U2SURP: variants seen among roughly 807,000 people sequenced by gnomAD.
U2SURP encodes U2 snRNP associated SURP domain containing, also known as U2 snRNP-associated SURP motif-containing protein.
A neutral mutation model predicts 144.9 loss-of-function variants in U2SURP; 9 were observed. The observed-to-expected ratio is 0.06, with a 90% CI of 0.04 to 0.11. U2SURP has a LOEUF of 0.11. Among genes scored for constraint, U2SURP ranks in the 10% least tolerant of loss-of-function variants. U2SURP has a pLI of 1.00. For missense variants in U2SURP, 724 were observed against 1,226.7 expected, an observed-to-expected ratio of 0.59 and a Z score of 6.12; for synonymous variants, 408 against 396.8, an observed-to-expected ratio of 1.03 and a Z score of -0.33.
At chr3:143,015,305 TTA>T (rs1347941887) in intron 4 of U2SURP, among the ~76,000 whole-genome samples, 2 of 152,142 alleles carry the variant, frequency 1.3e-5, no homozygotes, top group African/African-American at 4.8e-5. Flanking sequence ...TAACACTTTG[TTA>T]TACAAGGTAC....
intron 2 of U2SURP, among the ~76,000 whole-genome samples, chr3:143,011,602 A>G (rs1237910555): frequency 6.6e-6 from 1 of 152,130 alleles, no homozygotes; most frequent in African/African-American, 2.4e-5. Flanking sequence ...ACACCAGAGT[A>G]TACTTGTAGT....
intron 13 of U2SURP, chr3:143,026,518 G>C (rs553385690): frequency 6.6e-6 from 1 of 152,256 alleles, no homozygotes; most frequent in South Asian, 2.1e-4. Context: ...TTGTGAACTA[G>C]TTTGAAGTGT....
At chr3:143,018,230 G>A (rs565688290) in intron 6 of U2SURP, among the ~76,000 whole-genome samples, 1 of 151,996 alleles carries the variant, frequency 6.6e-6, no homozygotes, top group East Asian at 1.9e-4. Flanking sequence ...GTCCCTGACA[G>A]CCTACTAATC....
At chr3:143,034,356 A>G (rs1383711343) in intron 18 of U2SURP, among the ~76,000 whole-genome samples, 4 of 152,096 alleles carry the variant, frequency 2.6e-5, no homozygotes, top group African/African-American at 9.7e-5. Context: ...GTGAGCCGAG[A>G]TGGCACCATT....
At chr3:143,016,034 G>C (rs1936358570) in intron 4 of U2SURP, among the ~76,000 whole-genome samples, 1 of 151,982 alleles carries the variant, frequency 6.6e-6, no homozygotes, top group African/African-American at 2.4e-5. Flanking sequence ...CTATACTTAG[G>C]GGTTCTTTTC....
At chr3:143,047,069 T>C (rs61580433) in intron 24 of U2SURP, among the ~76,000 whole-genome samples, 1 of 93,700 alleles carries the variant, frequency 1.1e-5, no homozygotes, top group Non-Finnish European at 2.1e-5. Context: ...CCTCCCTCCC[T>C]GACGGGGCGG....
In U2SURP at chr3:143,059,836, A is replaced by G. The variant is rs1935303788; in HGVS notation, c.*3386A>G. ...GTTTAAAGGAACACGTGACTGTAAA[A>G]TCTCACATTTACAAAGTGCTTGATC... is the stretch of plus-strand genomic sequence containing the variant. On this transcript the variant is annotated 3_prime_UTR_variant, in exon 28 of 28. Coordinates refer to ENST00000473835, the MANE Select transcript of U2SURP (RefSeq NM_001080415.2). 1.3e-5 allele frequency: 2 copies of G among 152,362 alleles called. No homozygotes were observed. The highest frequency in any genetic ancestry group is 4.1e-4 in the South Asian group (2 of 4,834). The allele number at this position is 152,362 out of a possible 1,614,324, so 9.4% of individuals were successfully genotyped here. A position where few individuals can be genotyped will look rare whatever the true frequency, so the allele number is the denominator to read the frequency against.
At chr3:143,011,168 C>G (rs1246684022) in intron 2 of U2SURP, among the ~76,000 whole-genome samples, 1 of 152,150 alleles carries the variant, frequency 6.6e-6, no homozygotes, top group African/African-American at 2.4e-5. Context: ...ATATGCCTTT[C>G]TCACCGCACA....
chr3:143,026,914 T>C, intron 13 of U2SURP: 1 of 363,052 alleles, frequency 2.8e-6, no homozygotes, highest in Admixed American at 4.5e-5. Context: ...GGCTGTATTG[T>C]GGTTTCCTAC....
intron 14 of U2SURP, 40 bp from the exon 15 acceptor site, chr3:143,028,300 T>C (rs1241787891): frequency 6.4e-7 from 1 of 1,561,408 alleles, no homozygotes; most frequent in Non-Finnish European, 8.7e-7. Context: ...TAGCTCTTTG[T>C]TAAAGAATAT....
chr3:143,057,243 T>C lies in U2SURP; in HGVS notation c.*793T>C, dbSNP rs1393684143. 3 of 152,480 alleles carry C rather than the reference T, an allele frequency of 2.0e-5. No homozygotes were observed. Among genetic ancestry groups the C allele is most frequent in the Non-Finnish European group, 4.4e-5 (3 of 67,900 alleles). The allele number at this position is 152,480 out of a possible 1,614,324, so 9.4% of individuals were successfully genotyped here. ...TATCTTTTCATTTCCTCTTCTATTA[T>C]GAAAGAAGTTTATTTGTAAAACAAA... On this transcript the variant is annotated 3_prime_UTR_variant, in exon 28 of 28. Transcript: ENST00000473835.
Position 143,037,238 on chromosome 3 carries a change from G to A in U2SURP, c.2124G>A (p.Leu708=), listed in dbSNP as rs368850919. ...AGGAAGAGCTTGATGGTGCACCTCTGGAAGATGTAGATGGAATTCCTATTG... is the reference window on the plus strand; with the variant it reads ...AGGAAGAGCTTGATGGTGCACCTCTAGAAGATGTAGATGGAATTCCTATTG... ...PIEEELDGAP[L]EDVDGIPIDA... is the part of the protein sequence containing the mutation. Residue 708 remains leucine, a synonymous_variant, in exon 21 of 28, where the codon CTG becomes CTA. Coordinates refer to ENST00000473835, the MANE Select transcript of U2SURP (RefSeq NM_001080415.2). 2.8e-4 allele frequency: 446 copies of A among 1,612,470 alleles called. 2 individuals carry two copies. The highest frequency in any genetic ancestry group is 1.6e-4 in the Middle Eastern group (1 of 6,082).
Position 143,037,314 on chromosome 3 carries a change from G to T in U2SURP, c.2200G>T (p.Asp734Tyr), listed in dbSNP as rs774105918. ...TGGAGTCCCTATAAAAAGTCTTGAT[G>T]ATGATCTTGATGGAGTGCCTTGTAA... ...LDGVPIKSLD[D>Y]DLDGVPLDAT... Residue 734 changes from aspartate (D) to tyrosine (Y), a missense_variant, in exon 21 of 28, where the codon GAT (aspartate) becomes TAT (tyrosine). Asp to Tyr is a radical substitution (Grantham distance 160, BLOSUM62 -3). Coordinates refer to ENST00000473835, the MANE Select transcript of U2SURP (RefSeq NM_001080415.2). 1.2e-6 allele frequency: 2 copies of T among 1,612,138 alleles called. No individual in the cohort carries two copies. The highest frequency in any genetic ancestry group is 1.7e-6 in the Non-Finnish European group (2 of 1,179,000).
chr3:143,051,895 T>C (rs568369118), intron 25 of U2SURP, among the ~76,000 whole-genome samples: 14 of 152,230 alleles, frequency 9.2e-5, no homozygotes, highest in African/African-American at 3.1e-4. Flanking sequence ...ATATTATTAC[T>C]GTTACTCTTC....
chr3:143,019,931 C>T (rs1000612593), intron 6 of U2SURP, 38 bp from the exon 7 acceptor site: 6 of 1,219,474 alleles, frequency 4.9e-6, no homozygotes, highest in East Asian at 5.6e-5. Flanking sequence ...TTTTGCTTAT[C>T]CTTTTGTTTG....
intron 24 of U2SURP, among the ~76,000 whole-genome samples, chr3:143,047,888 C>CG (rs1243401619): frequency 2.6e-5 from 4 of 151,008 alleles, no homozygotes; most frequent in African/African-American, 7.3e-5. Context: ...GCTGACCCCC[C>CG]CCAACCTCCC....
intron 16 of U2SURP, 74 bp from the exon 17 acceptor site, chr3:143,032,709 AG>A: frequency 7.6e-7 from 1 of 1,321,188 alleles, no homozygotes; most frequent in Non-Finnish European, 1.1e-6. Context: ...TAAAGAAATT[AG>A]TTTGTGAGCA....
rs756904468 is a variant in U2SURP, at chr3:143,053,723, TAAAGAA to T, written c.2707_2712del (p.Glu903_Lys904del). 3.7e-6 allele frequency: 6 copies of T among 1,602,240 alleles called. No individual in the cohort carries two copies. The highest frequency in any genetic ancestry group is 5.1e-6 in the Non-Finnish European group (6 of 1,172,924). On this transcript the variant is annotated inframe_deletion, in exon 26 of 28. Coordinates refer to ENST00000473835, the MANE Select transcript of U2SURP (RefSeq NM_001080415.2). ...GAGAACGAGAAAGAGACAAGAAAGA[TAAAGAA>T]AAATTGGAATCTCGCTCCAAAGACA... is the stretch of plus-strand genomic sequence containing the variant.
intron 1 of U2SURP, among the ~76,000 whole-genome samples, chr3:143,003,676 TC>T (rs1387406712): frequency 8.4e-6 from 1 of 119,562 alleles, no homozygotes; most frequent in African/African-American, 3.6e-5. Flanking sequence ...TTATTTTATT[TC>T]TTTTTTTTTT....
Sources: gnomAD v4.1 joint callset for allele counts (sites outside exome capture counted in the v4.1 genomes callset) on GRCh38, gnomAD v4.1.1 for gene constraint, MANE v1.5 for transcripts, NCBI Gene and HGNC (gene_info 2026-07-23, HGNC 2026-07-21) for gene names.